The following NKAIN3 variants were observed in gnomAD, a reference collection of about 807,000 sequenced individuals.
The protein encoded by NKAIN3 is sodium/potassium transporting ATPase interacting 3, also known as sodium/potassium-transporting ATPase subunit beta-1-interacting protein 3.
Under a neutral mutation model 30.2 loss-of-function variants are expected in NKAIN3, and 25 were observed. The observed-to-expected ratio is 0.83, with a 90% CI of 0.60 to 1.16. The LOEUF (loss-of-function observed/expected upper bound fraction) is 1.16, where lower values mean the gene tolerates loss of function less well. Among genes scored for constraint, NKAIN3 ranks in the 50% most tolerant of loss-of-function variants. The pLI is 0.00. For missense variants in NKAIN3, 225 were observed against 254.1 expected (o/e 0.89, Z 0.78); for synonymous variants, 91 against 89.6 (o/e 1.02, Z -0.09).
chr8:62,908,499 G>A (rs909647941), intron 4 of NKAIN3, among the ~76,000 whole-genome samples: 38 of 128,452 alleles, frequency 3.0e-4, no homozygotes, highest in Non-Finnish European at 5.6e-4. Context: ...ATCTCATCTT[G>A]AATTATAGCT....
chr8:62,760,340 A>G (rs1554575213), intron 4 of NKAIN3, among the ~76,000 whole-genome samples: 1 of 152,182 alleles, frequency 6.6e-6, no homozygotes, highest in Non-Finnish European at 1.5e-5. Context: ...TGTTTATTGC[A>G]GCACTATTCA....
At chr8:62,403,111 CTT>C (rs1585768742) in intron 1 of NKAIN3, among the ~76,000 whole-genome samples, 1 of 152,154 alleles carries the variant, frequency 6.6e-6, no homozygotes, top group East Asian at 1.9e-4. Flanking sequence ...CACTCTTGCT[CTT>C]CAAAGAGAAT....
chr8:62,388,261 G>A (rs866811873), intron 1 of NKAIN3, among the ~76,000 whole-genome samples: 45 of 152,284 alleles, frequency 3.0e-4, no homozygotes, highest in Middle Eastern at 6.8e-3. Flanking sequence ...CCCCAAAATT[G>A]TTCTTCTGTT....
intron 1 of NKAIN3, among the ~76,000 whole-genome samples, chr8:62,274,447 G>GTCC (rs1812870113): frequency 6.6e-6 from 1 of 152,064 alleles, no homozygotes; most frequent in Non-Finnish European, 1.5e-5. Context: ...AATGCAGATG[G>GTCC]TCCTCAGACT....
intron 1 of NKAIN3, among the ~76,000 whole-genome samples, chr8:62,512,095 C>G (rs1051086501): frequency 6.6e-6 from 1 of 152,060 alleles, no homozygotes; most frequent in Non-Finnish European, 1.5e-5. Context: ...AATGAACTTT[C>G]TCTTTTATAC....
At chr8:62,658,414 A>C (rs759380278) in intron 3 of NKAIN3, among the ~76,000 whole-genome samples, 15 of 152,202 alleles carry the variant, frequency 9.9e-5, no homozygotes, top group Admixed American at 7.9e-4. Flanking sequence ...TATCAGGCAG[A>C]AATTAGTTGA....
intron 1 of NKAIN3, among the ~76,000 whole-genome samples, chr8:62,303,112 A>G (rs2129588106): frequency 1.3e-5 from 2 of 150,584 alleles, no homozygotes; most frequent in South Asian, 4.1e-4. Context: ...AGTAGGGACA[A>G]TTGGGAAAAT....
At chr8:62,851,647 T>C (rs1028060512) in intron 4 of NKAIN3, among the ~76,000 whole-genome samples, 9 of 152,232 alleles carry the variant, frequency 5.9e-5, no homozygotes, top group African/African-American at 2.2e-4. Flanking sequence ...ACCTAATTTA[T>C]TGAGAGTTTT....
At chr8:62,709,999 GAT>G (rs1252841415) in intron 3 of NKAIN3, among the ~76,000 whole-genome samples, 1 of 152,072 alleles carries the variant, frequency 6.6e-6, no homozygotes, top group East Asian at 1.9e-4. Context: ...TTCAGGATCA[GAT>G]TACTAAATTT....
At position 62,722,616 on chromosome 8, in the gene NKAIN3, A is replaced by G. The variant is rs16929469; in HGVS notation, c.274-24316A>G. ...GATTGGTATGATTACTTACCGTCAA[A>G]TCAAGGAGTCCATGGAGACGTGAAG... On this transcript the variant is annotated intron_variant, in intron 3 of 6. Transcript: ENST00000623646. Among the ~76,000 whole-genome samples the G allele has an allele frequency of 3.3e-3, 497 of 152,272 alleles. 5 individuals carry two copies. The highest frequency in any genetic ancestry group is 0.011 in the African/African-American group (459 of 41,548).
chr8:62,272,277 T>C (rs984926113), intron 1 of NKAIN3, among the ~76,000 whole-genome samples: 1 of 152,178 alleles, frequency 6.6e-6, no homozygotes, highest in African/African-American at 2.4e-5. Context: ...TTTAAGCCTG[T>C]GTGGAGACAA....
chr8:62,834,776 C>T (rs1819307231), intron 4 of NKAIN3, among the ~76,000 whole-genome samples: 2 of 151,954 alleles, frequency 1.3e-5, no homozygotes, highest in African/African-American at 4.8e-5. Flanking sequence ...TCAATAGATT[C>T]AATGTTATTC....
intron 1 of NKAIN3, among the ~76,000 whole-genome samples, chr8:62,343,997 G>A (rs764057318): frequency 1.3e-5 from 2 of 152,010 alleles, no homozygotes; most frequent in Non-Finnish European, 2.9e-5. Context: ...ATTAACATTA[G>A]AGAATTATGC....
At chr8:62,490,984 C>T (rs1216822376) in intron 1 of NKAIN3, among the ~76,000 whole-genome samples, 1 of 152,130 alleles carries the variant, frequency 6.6e-6, no homozygotes, top group African/African-American at 2.4e-5. Context: ...ATGGATTCTC[C>T]ACACCAGGCC....
At chr8:62,926,127 T>C (rs992029688) in intron 5 of NKAIN3, among the ~76,000 whole-genome samples, 1 of 152,078 alleles carries the variant, frequency 6.6e-6, no homozygotes, top group Non-Finnish European at 1.5e-5. Context: ...GAGTACCAAA[T>C]TTAAAAATCA....
intron 4 of NKAIN3, among the ~76,000 whole-genome samples, chr8:62,852,493 T>G (rs1038000937): frequency 7.9e-5 from 12 of 152,212 alleles, no homozygotes; most frequent in African/African-American, 1.7e-4. Context: ...TGTCTTCTGC[T>G]AGCTTTTGAA....
intron 1 of NKAIN3, among the ~76,000 whole-genome samples, chr8:62,568,371 C>A (rs185888195): frequency 1.6e-4 from 24 of 152,192 alleles, no homozygotes; most frequent in African/African-American, 5.5e-4. Context: ...ATTGAAGTGA[C>A]AAATATTGTC....
chr8:62,377,262 G>A (rs1476584507), intron 1 of NKAIN3, among the ~76,000 whole-genome samples: 1 of 152,102 alleles, frequency 6.6e-6, no homozygotes, highest in African/African-American at 2.4e-5. Context: ...CACACACAGA[G>A]TTGCATAGTT....
intron 4 of NKAIN3, among the ~76,000 whole-genome samples, chr8:62,894,458 TG>T (rs1326740730): frequency 2.0e-5 from 3 of 152,292 alleles, no homozygotes; most frequent in African/African-American, 7.2e-5. Context: ...TGTGTTTTGT[TG>T]TTATTGTTTA....
Sources: allele counts gnomAD v4.1 joint callset (sites outside exome capture counted in the v4.1 genomes callset), GRCh38; gene constraint gnomAD v4.1.1; transcripts MANE v1.5; gene names NCBI Gene and HGNC (gene_info 2026-07-23, HGNC 2026-07-21).